The following PDS5B variants were observed in gnomAD, a reference collection of about 807,000 sequenced individuals.
The protein encoded by PDS5B is PDS5 cohesin associated factor B.
PDS5B carries 51 observed loss-of-function variants against 184.1 expected under a neutral mutation model. That is an observed-to-expected ratio of 0.28 (90% CI 0.22 to 0.35). The LOEUF is 0.35. Among genes scored for constraint, PDS5B ranks in the 10% least tolerant of loss-of-function variants. PDS5B has a pLI of 1.00. For synonymous variants in PDS5B, 566 were observed against 569.2 expected (o/e 0.99, Z 0.08); for missense variants, 1,180 against 1,723.3 (o/e 0.68, Z 5.58).
intron 1 of PDS5B, among the ~76,000 whole-genome samples, chr13:32,638,984 A>C (rs567445496): frequency 6.6e-6 from 1 of 152,108 alleles, no homozygotes; most frequent in South Asian, 2.1e-4. Context: ...GCGGCGTTGT[A>C]CAAGAATGTG....
At chr13:32,679,917 C>CTGTGTGTG (rs1314419011) in intron 10 of PDS5B, among the ~76,000 whole-genome samples, 1 of 106,248 alleles carries the variant, frequency 9.4e-6, no homozygotes. Context: ...GTGTGTGTGT[C>CTGTGTGTG]TGTTTCTACA....
Position 32,773,216 on chromosome 13 carries a change from T to C in PDS5B, c.4200T>C (p.Ala1400=), listed in dbSNP as rs1271786212. ...NVRVGRSKQA[A]TKENDSSEEV... ...GTGTAGGACGCTCCAAACAAGCAGC[T>C]ACTAAGGAAAATGATTCAAGTGAAG... Residue 1400 remains alanine (A), a synonymous_variant, in exon 34 of 35, where the codon GCT becomes GCC. Coordinates refer to ENST00000315596, the MANE Select transcript of PDS5B (RefSeq NM_015032.4). The C allele has an allele frequency of 6.2e-7, 1 of 1,613,096 alleles. No homozygotes were observed. The highest frequency in any genetic ancestry group is 1.1e-5 in the South Asian group (1 of 90,952).
At chr13:32,719,178 A>G (rs1188118786) in intron 19 of PDS5B, among the ~76,000 whole-genome samples, 1 of 152,078 alleles carries the variant, frequency 6.6e-6, no homozygotes, top group Non-Finnish European at 1.5e-5. Flanking sequence ...GATTATTGTT[A>G]TTATTACTAT....
chr13:32,694,429 T>G, intron 14 of PDS5B, 125 bp downstream of exon 14: 1 of 684,484 alleles, frequency 1.5e-6, no homozygotes, highest in Non-Finnish European at 2.5e-6. Context: ...GAAGTTAGGA[T>G]TCCTTGTTTA....
At chr13:32,686,890 G>A (rs780535677) in intron 11 of PDS5B, among the ~76,000 whole-genome samples, 35 of 152,092 alleles carry the variant, frequency 2.3e-4, no homozygotes, top group Non-Finnish European at 4.0e-4. Flanking sequence ...ATAGGTTTAA[G>A]ACATTAAAGC....
intron 23 of PDS5B, among the ~76,000 whole-genome samples, chr13:32,744,400 G>A (rs1038373393): frequency 1.3e-5 from 2 of 152,152 alleles, no homozygotes; most frequent in African/African-American, 4.8e-5. Flanking sequence ...AGTCTTGGGA[G>A]TTGGTAGGTG....
chr13:32,651,437 T>A (rs1950364130), intron 2 of PDS5B, among the ~76,000 whole-genome samples: 1 of 152,182 alleles, frequency 6.6e-6, no homozygotes, highest in African/African-American at 2.4e-5. Context: ...GAAATATTAT[T>A]TTTAAAAAAG....
chr13:32,671,823 T>A (rs775309481), intron 7 of PDS5B, among the ~76,000 whole-genome samples: 1 of 152,194 alleles, frequency 6.6e-6, no homozygotes. Context: ...CAGAAGAGAT[T>A]AGGGCAGCTT....
At chr13:32,695,721 C>A (rs1433534005) in intron 14 of PDS5B, among the ~76,000 whole-genome samples, 6 of 151,876 alleles carry the variant, frequency 4.0e-5, no homozygotes, top group Non-Finnish European at 8.8e-5. Context: ...TCTCACTGTT[C>A]CTCTAAAATT....
At chr13:32,636,162 T>TA (rs2058553820) in intron 1 of PDS5B, among the ~76,000 whole-genome samples, 2 of 152,242 alleles carry the variant, frequency 1.3e-5, no homozygotes, top group African/African-American at 4.8e-5. Context: ...CTCTGCCACT[T>TA]ACTACAGGGT....
intron 17 of PDS5B, among the ~76,000 whole-genome samples, 172 bp downstream of exon 17, chr13:32,701,610 A>G (rs1246608912): frequency 1.5e-5 from 2 of 130,398 alleles, no homozygotes; most frequent in Non-Finnish European, 3.1e-5. Context: ...ACACACACAC[A>G]CAGACACACA....
intron 30 of PDS5B, among the ~76,000 whole-genome samples, chr13:32,762,004 T>G (rs1167478601): frequency 1.3e-5 from 2 of 152,242 alleles, no homozygotes; most frequent in African/African-American, 2.4e-5. Flanking sequence ...CCATTCTGAC[T>G]GATGTGAGAC....
intron 21 of PDS5B, among the ~76,000 whole-genome samples, chr13:32,735,561 A>G (rs1165685068): frequency 1.3e-5 from 2 of 152,206 alleles, no homozygotes; most frequent in Non-Finnish European, 2.9e-5. Context: ...TGATAAATAT[A>G]AAATATAACC....
intron 6 of PDS5B, among the ~76,000 whole-genome samples, chr13:32,661,476 T>C (rs974679760): frequency 6.7e-6 from 1 of 149,658 alleles, no homozygotes; most frequent in Non-Finnish European, 1.5e-5. Flanking sequence ...GTAAAACATA[T>C]TTAGAGAACT....
intron 1 of PDS5B, among the ~76,000 whole-genome samples, chr13:32,632,283 T>G (rs546736162): frequency 7.9e-5 from 12 of 152,272 alleles, no homozygotes; most frequent in Admixed American, 4.6e-4. Flanking sequence ...TTAACAAGGA[T>G]TTAATGTCCA....
intron 3 of PDS5B, among the ~76,000 whole-genome samples, chr13:32,656,890 C>G (rs556570536): frequency 6.6e-6 from 1 of 152,302 alleles, no homozygotes; most frequent in South Asian, 2.1e-4. Flanking sequence ...GCCACTGTGC[C>G]TGGCTGGTAT....
chr13:32,722,135 A>C (rs1952736409), intron 19 of PDS5B, among the ~76,000 whole-genome samples: 1 of 152,242 alleles, frequency 6.6e-6, no homozygotes. Flanking sequence ...CGGGCAGATC[A>C]CTTGAGGTCA....
In PDS5B at chr13:32,605,622, A is replaced by G. The variant is rs190017731; in HGVS notation, c.-20+19029A>G. ...GCAGAGGTTAGTTCAAGTCCTGGATATCCTTGTTAACTTTCTGTCTTGATC... is the reference window on the plus strand; with the variant it reads ...GCAGAGGTTAGTTCAAGTCCTGGATGTCCTTGTTAACTTTCTGTCTTGATC... On this transcript the variant is annotated intron_variant, in intron 1 of 34. Transcript: ENST00000315596. 3.7e-3 allele frequency among the ~76,000 whole-genome samples: 556 copies of G among 152,238 alleles called. 1 individual carries two copies. The highest frequency in any genetic ancestry group is 5.8e-3 in the South Asian group (28 of 4,834).
Position 32,707,064 on chromosome 13 carries a change from G to A in PDS5B, c.1962+25G>A, listed in dbSNP as rs764983670. On this transcript the variant is annotated intron_variant, in intron 18 of 34. Transcript: ENST00000315596. ...GGTAAGTATCTATTTAAAATTAAGT[G>A]CCTAATTAGATATCTGTTTAACATA... is the stretch of plus-strand genomic sequence containing the variant. The A allele has an allele frequency of 1.1e-5, 14 of 1,244,624 alleles. No homozygotes were observed. In the Admixed American group the frequency reaches 2.6e-4, roughly 23 times the overall value. 77.1% of individuals were successfully genotyped at this position (1,244,624 alleles called of 1,614,324 possible).
Sources: allele counts gnomAD v4.1 joint callset (sites outside exome capture counted in the v4.1 genomes callset), GRCh38; gene constraint gnomAD v4.1.1; transcripts MANE v1.5; gene names NCBI Gene and HGNC (gene_info 2026-07-23, HGNC 2026-07-21).